The following VWA8 variants were observed in gnomAD, a reference collection of about 807,000 sequenced individuals.
VWA8 encodes von Willebrand factor A domain-containing protein 8.
A neutral mutation model predicts 241.5 loss-of-function variants in VWA8; 221 were observed. The ratio of observed to expected loss-of-function variants is 0.91; its 90% CI spans 0.82 to 1.02. VWA8 has a LOEUF of 1.02. Among genes scored for constraint, VWA8 ranks in the 50% least tolerant of loss-of-function variants. The pLI is 0.00. For missense variants in VWA8, 2,322 were observed against 2,328.7 expected, an observed-to-expected ratio of 1.00 and a Z score of 0.06; for synonymous variants, 852 against 827.1, an observed-to-expected ratio of 1.03 and a Z score of -0.52.
At position 41,868,343 on chromosome 13, in the gene VWA8, T is replaced by G. The variant is rs748948321; in HGVS notation, c.1212+3A>C. ...TAGAAAGAATAAACCTGTGATTAAT[T>G]ACCTTAATGGTCACCTCTTTATCTG... On this transcript the variant is annotated splice_donor_region_variant and intron_variant, in intron 10 of 44. Transcript: ENST00000379310. 1.2e-5 allele frequency: 19 copies of G among 1,613,410 alleles called. No individual in the cohort carries two copies. In the East Asian group the frequency reaches 4.2e-4, roughly 36 times the overall value.
chr13:41,950,192 G>C (rs1878061287), intron 1 of VWA8, among the ~76,000 whole-genome samples, 179 bp from the exon 2 acceptor site: 1 of 152,098 alleles, frequency 6.6e-6, no homozygotes, highest in Non-Finnish European at 1.5e-5. Context: ...GTATAAAGGA[G>C]AAGTGAGGCA....
intron 17 of VWA8, among the ~76,000 whole-genome samples, chr13:41,799,868 A>T (rs1869869552): frequency 6.6e-6 from 1 of 152,142 alleles, no homozygotes; most frequent in Non-Finnish European, 1.5e-5. Flanking sequence ...AACCATCACC[A>T]CAAGCAATTT....
At chr13:41,703,536 T>C in intron 26 of VWA8, 125 bp from the exon 27 acceptor site, 1 of 717,194 alleles carries the variant, frequency 1.4e-6, no homozygotes, top group Non-Finnish European at 2.3e-6. Flanking sequence ...AAGTGAGTTA[T>C]ACATCATTTT....
rs748243038 is a variant in VWA8 at position 41,685,062 on chromosome 13, CT to C, written c.4311del (p.Asp1438IlefsTer16). 1.2e-6 allele frequency: 2 copies of C among 1,613,222 alleles called. No individual in the cohort carries two copies. The highest frequency in any genetic ancestry group is 1.7e-6 in the Non-Finnish European group (2 of 1,179,580). On this transcript the variant is annotated frameshift_variant, in exon 35 of 45. Transcript: ENST00000379310. LOFTEE classifies it high-confidence loss of function. ...RILPPGEVPL[K>X]DIYPKDVTPP... ...TCCTTCTTACCTTTTGGGTAGATAT[CT>C]TTTAGAGGGACTTCTCCTGGGGGTA...
chr13:41,650,186 A>C (rs974564305), intron 37 of VWA8, among the ~76,000 whole-genome samples: 3 of 152,220 alleles, frequency 2.0e-5, no homozygotes, highest in Non-Finnish European at 4.4e-5. Context: ...ATAATATTGT[A>C]TACTTATATA....
At chr13:41,677,852 C>T (rs2045070906) in intron 35 of VWA8, among the ~76,000 whole-genome samples, 1 of 152,038 alleles carries the variant, frequency 6.6e-6, no homozygotes, top group Non-Finnish European at 1.5e-5. Context: ...TCCAGGATGT[C>T]CTGGATAAAT....
intron 2 of VWA8, among the ~76,000 whole-genome samples, chr13:41,921,078 C>T (rs548638993): frequency 6.6e-5 from 10 of 152,270 alleles, no homozygotes; most frequent in African/African-American, 2.4e-4. Flanking sequence ...CATCAAAAAG[C>T]TTATCCGCCA....
At chr13:41,698,913 C>T (rs2045231600) in intron 29 of VWA8, among the ~76,000 whole-genome samples, 158 bp downstream of exon 29, 1 of 152,170 alleles carries the variant, frequency 6.6e-6, no homozygotes, top group Non-Finnish European at 1.5e-5. Context: ...AGATATTAGC[C>T]TGCCTTTGTA....
chr13:41,725,819 TTGG>T (rs1244528757), intron 24 of VWA8, among the ~76,000 whole-genome samples: 10 of 152,204 alleles, frequency 6.6e-5, no homozygotes, highest in Non-Finnish European at 1.5e-4. Context: ...CAACTTTTCT[TTGG>T]TGTGTTTACA....
intron 21 of VWA8, among the ~76,000 whole-genome samples, chr13:41,746,450 A>T (rs2045607541): frequency 6.6e-6 from 1 of 152,214 alleles, no homozygotes; most frequent in South Asian, 2.1e-4. Context: ...GCTCTGACTC[A>T]TCAAATCCAT....
intron 1 of VWA8, among the ~76,000 whole-genome samples, chr13:41,957,165 C>T (rs1199573120): frequency 6.6e-6 from 1 of 152,140 alleles, no homozygotes; most frequent in Non-Finnish European, 1.5e-5. Context: ...CCCATAATCC[C>T]CATGTGTCAT....
chr13:41,899,158 T>A (rs1361051714), intron 4 of VWA8, among the ~76,000 whole-genome samples: 1 of 152,190 alleles, frequency 6.6e-6, no homozygotes, highest in Non-Finnish European at 1.5e-5. Context: ...TCACTCTATA[T>A]CCTGTGAAAA....
rs201163045 is a variant in VWA8, at chr13:41,865,734, A to G, written c.1425+2T>C. 78 of 1,613,378 alleles carry G rather than the reference A, an allele frequency of 4.8e-5. No homozygotes were observed. The highest frequency in any genetic ancestry group is 6.3e-5 in the Non-Finnish European group (74 of 1,180,020). On this transcript the variant is annotated splice_donor_variant, in intron 12 of 44. Coordinates refer to ENST00000379310, the MANE Select transcript of VWA8 (RefSeq NM_015058.2). LOFTEE classifies it high-confidence loss of function. ...AAGTGCAGCTAAAAATGAACACTGTACCTGATAGAGCATAATAGGTTCTAT... is the reference window on the plus strand; with the variant it reads ...AAGTGCAGCTAAAAATGAACACTGTGCCTGATAGAGCATAATAGGTTCTAT...
chr13:41,667,145 A>T (rs1193626852), intron 37 of VWA8, among the ~76,000 whole-genome samples: 1 of 152,204 alleles, frequency 6.6e-6, no homozygotes, highest in Non-Finnish European at 1.5e-5. Context: ...CAGTTAAATA[A>T]CCCAGTGGTT....
At chr13:41,749,026 A>C (rs1328413311) in intron 21 of VWA8, among the ~76,000 whole-genome samples, 2 of 152,252 alleles carry the variant, frequency 1.3e-5, no homozygotes, top group Admixed American at 6.5e-5. Context: ...ATTAAACTAA[A>C]GAGCTTCTGC....
At chr13:41,840,088 T>A (rs986844414) in intron 12 of VWA8, among the ~76,000 whole-genome samples, 6 of 152,214 alleles carry the variant, frequency 3.9e-5, no homozygotes, top group Non-Finnish European at 8.8e-5. Flanking sequence ...GTCCTTCACA[T>A]CCTTTGTAAG....
intron 9 of VWA8, among the ~76,000 whole-genome samples, chr13:41,869,088 T>C (rs1022146620): frequency 1.2e-4 from 19 of 152,112 alleles, no homozygotes; most frequent in Admixed American, 1.0e-3. Context: ...TTACATTTCT[T>C]GACAATCAAC....
chr13:41,717,733 G>C (rs1045513839), intron 26 of VWA8, among the ~76,000 whole-genome samples: 1 of 152,038 alleles, frequency 6.6e-6, no homozygotes, highest in African/African-American at 2.4e-5. Context: ...ATTAACAGAT[G>C]AGGAAAAAAT....
At chr13:41,660,900 G>A (rs986683734) in intron 37 of VWA8, among the ~76,000 whole-genome samples, 6 of 149,064 alleles carry the variant, frequency 4.0e-5, no homozygotes, top group South Asian at 4.2e-4. Flanking sequence ...TTTTTGAGAC[G>A]GAGTCTCGCT....
Sources: allele counts gnomAD v4.1 joint callset (sites outside exome capture counted in the v4.1 genomes callset), GRCh38; gene constraint gnomAD v4.1.1; transcripts MANE v1.5; gene names NCBI Gene and HGNC (gene_info 2026-07-23, HGNC 2026-07-21).